LBHD1: variants seen among roughly 807,000 people sequenced by gnomAD.
LBHD1 encodes the protein LBH domain-containing protein 1.
In LBHD1, 28 loss-of-function variants were observed where a neutral mutation model predicts 31.1. The ratio of observed to expected loss-of-function variants is 0.90; its 90% CI spans 0.67 to 1.24. The LOEUF (loss-of-function observed/expected upper bound fraction) is 1.24, where lower values mean the gene tolerates loss of function less well. Ranked by LOEUF, LBHD1 falls within the 50% of genes most tolerant of loss-of-function variation. LBHD1 has a pLI of 0.00. For missense variants in LBHD1, 350 were observed against 323.0 expected (o/e 1.08, Z -0.64); for synonymous variants, 105 against 116.5 (o/e 0.90, Z 0.63).
intron 1 of LBHD1, chr11:62,671,028 A>T: frequency 3.8e-6 from 1 of 263,452 alleles, no homozygotes; most frequent in Non-Finnish European, 7.8e-6. Context: ...GGGCCCTGGA[A>T]GTCGAGGCTT....
rs775569330 is a variant in LBHD1 at position 62,669,900 on chromosome 11, T to G, written c.132A>C (p.Glu44Asp). 1 of 1,614,212 alleles carries G rather than the reference T, an allele frequency of 6.2e-7. No homozygotes were observed. The highest frequency in any genetic ancestry group is 8.5e-7 in the Non-Finnish European group (1 of 1,180,040). ...LWDRGKIGKVEGHQHIQDFSQ... is the reference protein window; with the variant it reads ...LWDRGKIGKVDGHQHIQDFSQ... ...TACTAACCTGAATGTGCTGGTGACC[T>G]TCAACCTTGCCAATTTTTCCTCTGT... Residue 44 changes from glutamate to aspartate, a missense_variant, in exon 2 of 7, where the codon GAA (glutamate) becomes GAC (aspartate). Coordinates refer to ENST00000354588, the MANE Select transcript of LBHD1 (RefSeq NM_024099.5).
rs1404153290 is a variant in LBHD1 at position 62,669,704 on chromosome 11, G to A, written c.250C>T (p.Leu84=). ...DLHLPHEELL[L]LTDGEEEDAE... ...TCCTCTTCCTCACCATCAGTGAGCA[G>A]CAGCAGCTCCTCATGGGGCAAATGG... Residue 84 remains leucine (L), a synonymous_variant, in exon 3 of 7, where the codon CTG becomes TTG. Transcript: ENST00000354588. The A allele has an allele frequency of 6.2e-7, 1 of 1,614,192 alleles. No individual in the cohort carries two copies. Among genetic ancestry groups the A allele is most frequent in the Admixed American group, 1.7e-5 (1 of 60,020 alleles).
chr11:62,667,323 C>A, intron 4 of LBHD1, 200 bp downstream of exon 4: 1 of 652,520 alleles, frequency 1.5e-6, no homozygotes, highest in Non-Finnish European at 2.7e-6. Flanking sequence ...GGGTCATTCC[C>A]CAGTTTCAAC....
chr11:62,666,873 C>G, intron 4 of LBHD1: 1 of 1,614,172 alleles, frequency 6.2e-7, no homozygotes, highest in Non-Finnish European at 8.5e-7. Context: ...CAGCTTCTAT[C>G]AGAATGCTTG....
At chr11:62,665,126 G>A in intron 4 of LBHD1, 153 bp from the exon 5 acceptor site, 1 of 1,146,876 alleles carries the variant, frequency 8.7e-7, no homozygotes, top group South Asian at 1.3e-5. Flanking sequence ...CCCCCACACA[G>A]TCACCGTTCG....
intron 5 of LBHD1, among the ~76,000 whole-genome samples, chr11:62,664,496 A>G (rs1042325255): frequency 6.6e-5 from 10 of 151,712 alleles, no homozygotes; most frequent in African/African-American, 2.2e-4. Context: ...ACGCCTGGCT[A>G]ATTTTTGTAT....
chr11:62,663,203 G>A (rs1416604696), intron 6 of LBHD1, 33 bp downstream of exon 6: 1 of 1,613,652 alleles, frequency 6.2e-7, no homozygotes, highest in Non-Finnish European at 8.5e-7. Context: ...ATAAATCCAG[G>A]ATTCCCCTCA....
chr11:62,672,043 C>A lies in LBHD1; in HGVS notation c.-490G>T, dbSNP rs748769481. ...CACTCTGCAGGAGGCAGCGACCACG[C>A]AGGAGAACGTGGCCTGGAGGAAGAA... On this transcript the variant is annotated 5_prime_UTR_variant, in exon 1 of 7. Coordinates refer to ENST00000354588, the MANE Select transcript of LBHD1 (RefSeq NM_024099.5). 1 of 1,611,764 alleles carries A rather than the reference C, an allele frequency of 6.2e-7. No homozygotes were observed. Among genetic ancestry groups the A allele is most frequent in the Non-Finnish European group, 8.5e-7 (1 of 1,179,210 alleles).
Position 62,672,256 on chromosome 11 carries a change from G to T in LBHD1, c.-703C>A. On this transcript the variant is annotated 5_prime_UTR_variant, in exon 1 of 7. Transcript: ENST00000354588. ...CCGGGGTCCTGTGAGCTGCCGTCGG[G>T]TGAGCACGTTTCCCCCAAACCCTGG... 1 of 880,888 alleles carries T rather than the reference G, an allele frequency of 1.1e-6. No individual in the cohort carries two copies. Among genetic ancestry groups the T allele is most frequent in the Non-Finnish European group, 1.7e-6 (1 of 586,400 alleles). The allele number at this position is 880,888 out of a possible 1,614,324, so 54.6% of individuals were successfully genotyped here.
intron 4 of LBHD1, chr11:62,665,506 G>A (rs1296658666): frequency 3.2e-6 from 5 of 1,573,598 alleles, no homozygotes; most frequent in Non-Finnish European, 4.3e-6. Flanking sequence ...GGCCCCCTCG[G>A]CGTCATGTCT....
chr11:62,671,337 T>G, intron 1 of LBHD1: 1 of 1,071,398 alleles, frequency 9.3e-7, no homozygotes, highest in Non-Finnish European at 1.3e-6. Flanking sequence ...CCATGCGCTG[T>G]GTTGAAAACG....
chr11:62,672,090 C>T lies in LBHD1; in HGVS notation c.-537G>A, dbSNP rs778146675. On this transcript the variant is annotated 5_prime_UTR_variant, in exon 1 of 7. Coordinates refer to ENST00000354588, the MANE Select transcript of LBHD1 (RefSeq NM_024099.5). The stretch of plus-strand genomic sequence containing the variant: ...AGAACTGGATGGTTGGCGGCGAAGG[C>T]GGCGCCGGCGGGAGGTCACCGTGAG... The T allele has an allele frequency of 1.3e-6, 2 of 1,593,250 alleles. No individual in the cohort carries two copies. The highest frequency in any genetic ancestry group is 1.7e-6 in the Non-Finnish European group (2 of 1,170,404).
Position 62,672,201 on chromosome 11 carries a change from G to A in LBHD1, c.-648C>T. The A allele has an allele frequency of 2.9e-6, 4 of 1,373,294 alleles. No individual in the cohort carries two copies. The highest frequency in any genetic ancestry group is 3.0e-6 in the Non-Finnish European group (3 of 1,013,278). 85.1% of individuals were successfully genotyped at this position (1,373,294 alleles called of 1,614,324 possible). ...TTCTCCTTCGTGGGCCCAGCGGAGA[G>A]TCCGGACCGAGATACCATGCCAGGA... On this transcript the variant is annotated 5_prime_UTR_variant, in exon 1 of 7. Coordinates refer to ENST00000354588, the MANE Select transcript of LBHD1 (RefSeq NM_024099.5).
At position 62,664,993 on chromosome 11, in the gene LBHD1, G is replaced by C. The variant is rs1442118765; in HGVS notation, c.539-20C>G. The stretch of plus-strand genomic sequence containing the variant: ...CAGCTCCTGCCGGGGAGAAAGATGC[G>C]AATCAGATGGAGTGGGCTCGCCGCG... On this transcript the variant is annotated intron_variant, in intron 4 of 6. Transcript: ENST00000354588. 2 of 1,607,630 alleles carry C rather than the reference G, an allele frequency of 1.2e-6. No individual in the cohort carries two copies. The highest frequency in any genetic ancestry group is 1.7e-6 in the Non-Finnish European group (2 of 1,179,756).
At chr11:62,664,079 G>GA (rs1944724950) in intron 5 of LBHD1, among the ~76,000 whole-genome samples, 1 of 31,308 alleles carries the variant, frequency 3.2e-5, no homozygotes, top group African/African-American at 1.3e-4. Flanking sequence ...TCTCAAAAAA[G>GA]AGGAAAAAAA....
At position 62,669,891 on chromosome 11, in the gene LBHD1, C is replaced by T; in HGVS notation, c.141G>A (p.Gln47=). The T allele has an allele frequency of 6.2e-7, 1 of 1,614,214 alleles. No individual in the cohort carries two copies. The highest frequency in any genetic ancestry group is 1.1e-5 in the South Asian group (1 of 91,090). ...RGKIGKVEGH[Q]HIQDFSQKSH... ...CTGAGGAAGTACTAACCTGAATGTG[C>T]TGGTGACCTTCAACCTTGCCAATTT... Residue 47 remains glutamine, a synonymous_variant, in exon 2 of 7, where the codon CAG becomes CAA. Transcript: ENST00000354588.
intron 1 of LBHD1, chr11:62,670,255 G>T: frequency 1.8e-6 from 1 of 548,680 alleles, no homozygotes. Flanking sequence ...AACAAGGGTA[G>T]GAGACAAGGG....
intron 4 of LBHD1, chr11:62,667,215 A>C (rs1210271488): frequency 1.4e-6 from 1 of 716,710 alleles, no homozygotes; most frequent in Non-Finnish European, 2.3e-6. Context: ...CAGTTTACTC[A>C]TCTGCAGAGT....
rs1944828484 is a variant in LBHD1 at position 62,666,816 on chromosome 11, A to G, written c.538+707T>C. Reference sequence around the variant, plus strand: ...GGCTCTTTCCAACTACTGCTGGACAAAGGCACATGGGATGCTGTTGCCCGG... The same window carrying G: ...GGCTCTTTCCAACTACTGCTGGACAGAGGCACATGGGATGCTGTTGCCCGG... On this transcript the variant is annotated intron_variant, in intron 4 of 6. Transcript: ENST00000354588. 3 of 1,614,172 alleles carry G rather than the reference A, an allele frequency of 1.9e-6. No individual in the cohort carries two copies. The South Asian group carries it at 3.3e-5, about 18-fold the overall frequency.
Sources: allele counts gnomAD v4.1 joint callset (sites outside exome capture counted in the v4.1 genomes callset), GRCh38; gene constraint gnomAD v4.1.1; transcripts MANE v1.5; gene names NCBI Gene and HGNC (gene_info 2026-07-23, HGNC 2026-07-21).